ADAMTS13: variants seen among roughly 807,000 people sequenced by gnomAD.
ADAMTS13 encodes the protein A disintegrin and metalloproteinase with thrombospondin motifs 13.
Under a neutral mutation model 155.1 loss-of-function variants are expected in ADAMTS13, and 110 were observed. The ratio of observed to expected loss-of-function variants is 0.71; its 90% CI spans 0.61 to 0.83. The LOEUF (loss-of-function observed/expected upper bound fraction) is 0.83, where lower values mean the gene tolerates loss of function less well. Ranked by LOEUF, ADAMTS13 falls within the 40% of genes least tolerant of loss-of-function variation. The pLI is 0.00. For missense variants in ADAMTS13, 1,707 were observed against 1,891.7 expected (o/e 0.90, Z 1.81); for synonymous variants, 758 against 756.4 (o/e 1.00, Z -0.03).
At position 133,455,440 on chromosome 9, in the gene ADAMTS13, G is replaced by C. The variant is rs148715397; in HGVS notation, c.3400+5G>C. ...CTGGGCCCTGTGTGGGACAGGGTAC[G>C]CCCAGCCTGGTGCCCCACGAAGAAG... On this transcript the variant is annotated splice_donor_5th_base_variant and intron_variant, in intron 25 of 28. Coordinates refer to ENST00000355699, the MANE Select transcript of ADAMTS13 (RefSeq NM_139027.6). The C allele has an allele frequency of 6.2e-7, 1 of 1,612,432 alleles. No individual in the cohort carries two copies. The highest frequency in any genetic ancestry group is 8.5e-7 in the Non-Finnish European group (1 of 1,179,840).
At chr9:133,432,048 G>A (rs1840810082) in intron 8 of ADAMTS13, among the ~76,000 whole-genome samples, 2 of 152,308 alleles carry the variant, frequency 1.3e-5, no homozygotes, top group Middle Eastern at 3.4e-3. Context: ...CGGATCACCT[G>A]AGGTCGGGAG....
At chr9:133,422,854 T>C (rs1554783891) in intron 1 of ADAMTS13, among the ~76,000 whole-genome samples, 2 of 151,902 alleles carry the variant, frequency 1.3e-5, no homozygotes, top group African/African-American at 4.8e-5. Flanking sequence ...CCTCTCCTTC[T>C]TGGTTGGCCT....
intron 25 of ADAMTS13, 145 bp from the exon 26 acceptor site, chr9:133,455,924 C>T: frequency 9.2e-7 from 1 of 1,088,570 alleles, no homozygotes; most frequent in East Asian, 2.5e-5. Context: ...GCCCCCCTCC[C>T]TGTCCTGAGA....
At chr9:133,435,061 G>T (rs1456184387) in intron 11 of ADAMTS13, among the ~76,000 whole-genome samples, 2 of 152,098 alleles carry the variant, frequency 1.3e-5, no homozygotes, top group Admixed American at 1.3e-4. Flanking sequence ...TCACCTTTTG[G>T]CTCCTGTGAA....
In ADAMTS13 at chr9:133,442,517, C is replaced by G. The variant is rs201605295; in HGVS notation, c.2087C>G (p.Ser696Trp). 3.7e-6 allele frequency: 6 copies of G among 1,613,532 alleles called. No homozygotes were observed. In the East Asian group the frequency reaches 6.7e-5, roughly 18 times the overall value. Residue 696 changes from serine (S) to tryptophan (W), a missense_variant, in exon 17 of 29, where the codon TCG (serine) becomes TGG (tryptophan). By Grantham distance (177) the Ser-to-Trp change is radical (BLOSUM62 -3). Around this residue, in one of 3 missense-constraint regions of ADAMTS13, gnomAD observed 961 missense variants for 1,107.9 expected, o/e 0.87. Coordinates refer to ENST00000355699, the MANE Select transcript of ADAMTS13 (RefSeq NM_139027.6). ...TGGGCCGCTGTGCGTGGGCCCTGCT[C>G]GGTGAGCTGTGGGGCAGGTGAGACC... ...WVWAAVRGPC[S>W]VSCGAGLRWV...
Position 133,445,016 on chromosome 9 carries a change from C to T in ADAMTS13, c.2574C>T (p.Pro858=). Reference sequence around the variant, plus strand: ...ATGAGAAGCTGCCTGCCCCTGAGCCCTGTGTCGGGATGTCATGTCCTCCAG... The same window carrying T: ...ATGAGAAGCTGCCTGCCCCTGAGCCTTGTGTCGGGATGTCATGTCCTCCAG... ...SVDEKLPAPE[P]CVGMSCPPGW... is the part of the protein sequence containing the mutation. Residue 858 remains proline (P), a synonymous_variant, in exon 20 of 29, where the codon CCC becomes CCT. Transcript: ENST00000355699. The surrounding 1 kb of genome is among the most constrained non-coding windows in gnomAD (Gnocchi z 5.0). 6.2e-7 allele frequency: 1 copy of T among 1,613,484 alleles called. No individual in the cohort carries two copies. The highest frequency in any genetic ancestry group is 8.5e-7 in the Non-Finnish European group (1 of 1,180,008).
exon 1 of ADAMTS13, chr9:133,414,507 C>G (rs782594702): frequency 5.3e-6 from 4 of 756,682 alleles, no homozygotes; most frequent in African/African-American, 5.1e-5. Context: ...TGCGCACACT[C>G]TAGGGGAAAA....
rs144282342 is a variant in ADAMTS13, at chr9:133,439,367, A to G, written c.1707A>G (p.Glu569=). The G allele has an allele frequency of 6.2e-7, 1 of 1,609,688 alleles. No homozygotes were observed. The highest frequency in any genetic ancestry group is 8.5e-7 in the Non-Finnish European group (1 of 1,176,014). Residue 569 remains glutamate, a splice_region_variant and synonymous_variant, in exon 15 of 29, where the codon GAA becomes GAG. Coordinates refer to ENST00000355699, the MANE Select transcript of ADAMTS13 (RefSeq NM_139027.6). ...KGSFTAGRAR[E]YVTFLTVTPN... ...CTCTCCTTCTTTTCTTCTTTCTAGA[A>G]TATGTCACGTTTCTGACAGTTACCC...
At chr9:133,414,954 C>T in intron 1 of ADAMTS13, 1 of 1,611,058 alleles carries the variant, frequency 6.2e-7, no homozygotes, top group Non-Finnish European at 8.5e-7. Context: ...TTTTTGGAAC[C>T]CATCTGAGAG....
At chr9:133,420,512 T>C (rs972796564), upstream of ADAMTS13, among the ~76,000 whole-genome samples, 1 of 152,222 alleles carries the variant, frequency 6.6e-6, no homozygotes, top group African/African-American at 2.4e-5. Flanking sequence ...CCCACTTTGG[T>C]CCACTTATGC....
At chr9:133,417,242 C>T (rs1839689397), upstream of ADAMTS13, among the ~76,000 whole-genome samples, 1 of 152,242 alleles carries the variant, frequency 6.6e-6, no homozygotes, top group African/African-American at 2.4e-5. Flanking sequence ...GTCTTGAACT[C>T]TTGACCTCAG....
upstream of ADAMTS13, among the ~76,000 whole-genome samples, chr9:133,420,604 G>A (rs1839915641): frequency 6.6e-6 from 1 of 152,232 alleles, no homozygotes; most frequent in African/African-American, 2.4e-5. Context: ...CACAGTCGAT[G>A]GGTTGATTCT....
chr9:133,442,380 T>C lies in ADAMTS13; in HGVS notation c.1969-19T>C. ...CTCAGGGAACCCACTGGACAAGGCC[T>C]GAAGCTCTTTGTCTGCAGGTTTACA... On this transcript the variant is annotated intron_variant, in intron 16 of 28. Coordinates refer to ENST00000355699, the MANE Select transcript of ADAMTS13 (RefSeq NM_139027.6). 9 of 1,613,882 alleles carry C rather than the reference T, an allele frequency of 5.6e-6. No individual in the cohort carries two copies. Among genetic ancestry groups the C allele is most frequent in the Admixed American group, 1.7e-5 (1 of 60,026 alleles).
In ADAMTS13 at chr9:133,428,899, A is replaced by G. The variant is rs1840487770; in HGVS notation, c.824+128A>G. On this transcript the variant is annotated intron_variant, in intron 7 of 28. Transcript: ENST00000355699. ...CCTTCCTGTCCCACCCCTCCGTCCA[A>G]CCCACCCCTCCGTCCAACCCCGCGC... 5.0e-6 allele frequency: 5 copies of G among 992,688 alleles called. No individual in the cohort carries two copies. The South Asian group carries it at 2.6e-4, about 52-fold the overall frequency. 61.5% of individuals were successfully genotyped at this position (992,688 alleles called of 1,614,324 possible). A position where few individuals can be genotyped will look rare whatever the true frequency, so the allele number is the denominator to read the frequency against.
chr9:133,414,931 A>G, intron 1 of ADAMTS13: 1 of 1,613,586 alleles, frequency 6.2e-7, no homozygotes, highest in Non-Finnish European at 8.5e-7. Flanking sequence ...TTTGCTGGAT[A>G]ATTTTGGGCT....
chr9:133,458,893 T>C, intron 28 of ADAMTS13, 81 bp from the exon 29 acceptor site: 1 of 1,254,180 alleles, frequency 8.0e-7, no homozygotes, highest in South Asian at 1.3e-5. Flanking sequence ...CCGGAATCTG[T>C]GAGCCCTTGC....
At chr9:133,444,836 C>T (rs587726952) in intron 19 of ADAMTS13, 27 bp from the exon 20 acceptor site, 126 of 1,611,140 alleles carry the variant, frequency 7.8e-5, no homozygotes, top group Middle Eastern at 5.0e-4. Flanking sequence ...GAGGCAGGGC[C>T]TGATGACTGT....
chr9:133,417,454 T>G (rs1554781886), upstream of ADAMTS13, among the ~76,000 whole-genome samples: 2 of 152,282 alleles, frequency 1.3e-5, no homozygotes, highest in African/African-American at 4.8e-5. Context: ...AGCAAACAAG[T>G]TCGAGACCTC....
At chr9:133,415,295 G>A (rs1281400142) in intron 1 of ADAMTS13, among the ~76,000 whole-genome samples, 1 of 152,104 alleles carries the variant, frequency 6.6e-6, no homozygotes, top group Middle Eastern at 3.4e-3. Context: ...CTACACCTTG[G>A]GTACCTGTTG....
Sources: gnomAD v4.1 joint callset for allele counts (sites outside exome capture counted in the v4.1 genomes callset) on GRCh38, gnomAD v4.1.1 for gene constraint, gnomAD v4.1.1 regional missense constraint, Gnocchi (gnomAD v3.1) non-coding constraint, MANE v1.5 for transcripts, NCBI Gene and HGNC (gene_info 2026-07-23, HGNC 2026-07-21) for gene names.